CAMSAP2: variants seen among roughly 807,000 people sequenced by gnomAD.
CAMSAP2 encodes the protein calmodulin-regulated spectrin-associated protein 2.
CAMSAP2 carries 26 observed loss-of-function variants against 146.1 expected under a neutral mutation model. The observed-to-expected ratio is 0.18, with a 90% CI of 0.13 to 0.25. The LOEUF is 0.25. Among genes scored for constraint, CAMSAP2 ranks in the 10% least tolerant of loss-of-function variants. The pLI is 1.00. For missense variants in CAMSAP2, 1,381 were observed against 1,759.3 expected (o/e 0.78, Z 3.85); for synonymous variants, 499 against 596.6 (o/e 0.84, Z 2.38).
intron 2 of CAMSAP2, among the ~76,000 whole-genome samples, chr1:200,781,763 C>T (rs954368574): frequency 2.6e-5 from 4 of 151,960 alleles, no homozygotes; most frequent in Non-Finnish European, 2.9e-5. Context: ...TGGCTGGTTT[C>T]GAACTCTTGG....
intron 1 of CAMSAP2, among the ~76,000 whole-genome samples, chr1:200,740,247 A>G (rs775874365): frequency 1.2e-4 from 18 of 150,578 alleles, no homozygotes; most frequent in South Asian, 8.4e-4. Context: ...ATGTTTTTAC[A>G]TAGAGTGGTT....
Position 200,817,965 on chromosome 1 carries a change from G to T in CAMSAP2, c.645+2321G>T, listed in dbSNP as rs746105074. 3.6e-4 allele frequency among the ~76,000 whole-genome samples: 55 copies of T among 151,970 alleles called. 1 individual carries two copies. The highest frequency in any genetic ancestry group is 1.8e-4 in the Non-Finnish European group (12 of 68,020). On this transcript the variant is annotated intron_variant, in intron 4 of 16. Transcript: ENST00000358823. ...TCTGTCCTTGCCTCTTCCCTGTTAC[G>T]TCCCACAGTCTTTTCTTGTCAGCTT... is the stretch of plus-strand genomic sequence containing the variant.
At chr1:200,786,529 G>T (rs1276932024) in intron 2 of CAMSAP2, among the ~76,000 whole-genome samples, 1 of 151,962 alleles carries the variant, frequency 6.6e-6, no homozygotes, top group Admixed American at 6.6e-5. Flanking sequence ...AATTATAGGC[G>T]CCCACCACCA....
At chr1:200,812,388 T>C (rs1345959020) in intron 3 of CAMSAP2, among the ~76,000 whole-genome samples, 1 of 152,246 alleles carries the variant, frequency 6.6e-6, no homozygotes, top group African/African-American at 2.4e-5. Context: ...TAACTAGGAA[T>C]GTTCAGCACC....
intron 4 of CAMSAP2, among the ~76,000 whole-genome samples, chr1:200,831,170 C>T (rs6697037): frequency 0.17 from 26,287 of 152,052 alleles, 3,033 homozygotes; most frequent in East Asian, 0.35. Flanking sequence ...ATTTTGCTAG[C>T]AAAATACTTT....
Position 200,848,492 on chromosome 1 carries a change from A to G in CAMSAP2, c.1723A>G (p.Met575Val). 1.9e-6 allele frequency: 3 copies of G among 1,613,740 alleles called. No homozygotes were observed. The highest frequency in any genetic ancestry group is 2.5e-6 in the Non-Finnish European group (3 of 1,179,842). The change falls in exon 11 of 17, where the codon ATG (methionine) becomes GTG (valine). Residue 575 changes from methionine (M) to valine (V), a missense_variant. This residue lies in a region of CAMSAP2 where 447 missense variants were observed against 462.2 expected (regional missense o/e 0.97). Coordinates refer to ENST00000358823, the MANE Select transcript of CAMSAP2 (RefSeq NM_203459.4). The stretch of plus-strand genomic sequence containing the variant: ...TGGCTTCTTTCTTCATAGTCAAGAA[A>G]TGAGTATCTTAAATTCAAATATCAA... ...ANGFFLHSQE[M>V]SILNSNIKLN...
chr1:200,814,384 A>G (rs1269282244), intron 3 of CAMSAP2, among the ~76,000 whole-genome samples: 2 of 151,952 alleles, frequency 1.3e-5, no homozygotes, highest in African/African-American at 4.8e-5. Context: ...AGGTGGGTGG[A>G]TCACCTGAGG....
At chr1:200,752,914 G>T (rs1169686403) in intron 1 of CAMSAP2, among the ~76,000 whole-genome samples, 1 of 151,948 alleles carries the variant, frequency 6.6e-6, no homozygotes, top group Non-Finnish European at 1.5e-5. Flanking sequence ...ACCGTGCCTG[G>T]CCTAGTTGTC....
chr1:200,807,652 G>T, intron 3 of CAMSAP2, 115 bp downstream of exon 3: 7 of 589,756 alleles, frequency 1.2e-5, no homozygotes, highest in Non-Finnish European at 1.4e-5. Context: ...GCAAACTTAA[G>T]TTGTAAAATA....
intron 2 of CAMSAP2, among the ~76,000 whole-genome samples, chr1:200,792,350 T>C (rs1665777089): frequency 1.3e-5 from 2 of 152,186 alleles, no homozygotes; most frequent in South Asian, 4.1e-4. Context: ...TGAATATGCA[T>C]AGACATGCTA....
chr1:200,852,774 A>T (rs1190070343), intron 12 of CAMSAP2, 97 bp downstream of exon 12: 1 of 1,221,098 alleles, frequency 8.2e-7, no homozygotes, highest in African/African-American at 1.5e-5. Flanking sequence ...GTGGTCTCTC[A>T]TTAATTTTTA....
intron 2 of CAMSAP2, among the ~76,000 whole-genome samples, chr1:200,763,990 G>C (rs1336955341): frequency 6.6e-6 from 1 of 152,138 alleles, no homozygotes; most frequent in East Asian, 1.9e-4. Context: ...AGAATCGCTT[G>C]AACCTGGGAG....
chr1:200,789,844 T>C (rs1665699007), intron 2 of CAMSAP2, among the ~76,000 whole-genome samples: 1 of 152,218 alleles, frequency 6.6e-6, no homozygotes, highest in Non-Finnish European at 1.5e-5. Flanking sequence ...TTTTATAGCT[T>C]TCCTCACATA....
At chr1:200,750,191 C>T (rs1664458278) in intron 1 of CAMSAP2, among the ~76,000 whole-genome samples, 1 of 152,066 alleles carries the variant, frequency 6.6e-6, no homozygotes, top group Admixed American at 6.6e-5. Context: ...GTGCTGGTTG[C>T]CTGAACTAGG....
At chr1:200,816,793 C>CACACACACGCGTGTATATATGTGTGT (rs1666527799) in intron 4 of CAMSAP2, among the ~76,000 whole-genome samples, 1 of 51,730 alleles carries the variant, frequency 1.9e-5, no homozygotes, top group Non-Finnish European at 3.0e-5. Flanking sequence ...TATGTGTGTA[C>CACACACACGCGTGTATATATGTGTGT]ACACACACGC....
chr1:200,757,501 A>C (rs1664683413), intron 1 of CAMSAP2, among the ~76,000 whole-genome samples: 1 of 151,750 alleles, frequency 6.6e-6, no homozygotes, highest in African/African-American at 2.4e-5. Context: ...TTCTGTCTGT[A>C]TTAATTTCTT....
chr1:200,747,394 G>A (rs1181977298), intron 1 of CAMSAP2, among the ~76,000 whole-genome samples: 3 of 152,186 alleles, frequency 2.0e-5, no homozygotes, highest in Non-Finnish European at 2.9e-5. Context: ...CTCTCAAAAA[G>A]ATCCATTAGA....
At position 200,848,974 on chromosome 1, in the gene CAMSAP2, G is replaced by A. The variant is rs777390638; in HGVS notation, c.2205G>A (p.Gly735=). 3.7e-6 allele frequency: 6 copies of A among 1,614,098 alleles called. No homozygotes were observed. Among genetic ancestry groups the A allele is most frequent in the Admixed American group, 3.3e-5 (2 of 60,012 alleles). The part of the protein sequence containing the change: ...VAWAQIPEET[G]LPQGRDTTQL... ...GGGCACAAATTCCAGAAGAAACAGG[G>A]CTTCCACAGGGACGGGACACTACCC... The change falls in exon 11 of 17, where the codon GGG becomes GGA. Residue 735 remains glycine (G), a synonymous_variant. Coordinates refer to ENST00000358823, the MANE Select transcript of CAMSAP2 (RefSeq NM_203459.4).
chr1:200,761,006 G>C lies in CAMSAP2; in HGVS notation c.307G>C (p.Val103Leu). 25 of 1,614,074 alleles carry C rather than the reference G, an allele frequency of 1.5e-5. No individual in the cohort carries two copies. The highest frequency in any genetic ancestry group is 2.1e-5 in the Non-Finnish European group (25 of 1,180,002). Residue 103 changes from valine (V) to leucine (L), a missense_variant, in exon 2 of 17, where the codon GTA becomes CTA. Around this residue, in one of 4 missense-constraint regions of CAMSAP2, gnomAD observed 284 missense variants for 406.9 expected, o/e 0.70. Coordinates refer to ENST00000358823, the MANE Select transcript of CAMSAP2 (RefSeq NM_203459.4). The stretch of plus-strand genomic sequence containing the variant: ...AAAACCCCTTTTGGGCCATGATGCT[G>C]TAATCCAGGCTTTAGCACAGAAAGG... ...AAKPLLGHDAVIQALAQKGLY... is the reference protein window; with the variant it reads ...AAKPLLGHDALIQALAQKGLY...
Sources: gnomAD v4.1 joint callset for allele counts (sites outside exome capture counted in the v4.1 genomes callset) on GRCh38, gnomAD v4.1.1 for gene constraint, gnomAD v4.1.1 regional missense constraint, MANE v1.5 for transcripts, NCBI Gene and HGNC (gene_info 2026-07-23, HGNC 2026-07-21) for gene names.